Variants in PDGFA observed in about 807,000 individuals in gnomAD.
PDGFA encodes the protein platelet-derived growth factor subunit A.
PDGFA carries 9 observed loss-of-function variants against 25.6 expected under a neutral mutation model. The ratio of observed to expected loss-of-function variants is 0.35; its 90% CI spans 0.21 to 0.61. The LOEUF is 0.61. Ranked by LOEUF, PDGFA falls within the 20% of genes least tolerant of loss-of-function variation. The pLI is 0.75. For synonymous variants in PDGFA, 133 were observed against 111.8 expected, an observed-to-expected ratio of 1.19 and a Z score of -1.20; for missense variants, 242 against 272.8, an observed-to-expected ratio of 0.89 and a Z score of 0.79.
In PDGFA at chr7:517,440, G is replaced by A. The variant is rs979339631; in HGVS notation, c.114C>T (p.Ile38=). 1.4e-6 allele frequency: 2 copies of A among 1,391,736 alleles called. No individual in the cohort carries two copies. The allele number at this position is 1,391,736 out of a possible 1,614,324, so 86.2% of individuals were successfully genotyped here. A position where few individuals can be genotyped will look rare whatever the true frequency, so the allele number is the denominator to read the frequency against. ...GTCGCTGGAGGTCCCGGATGCTGTG[G>A]ATCTGACTGCGGGCCAGCCTCTCGA... The change falls in exon 2 of 6, where the codon ATC becomes ATT. Residue 38 remains isoleucine (I), a synonymous_variant. Coordinates refer to ENST00000402802, the Ensembl canonical transcript of PDGFA. The surrounding 1 kb of genome is among the most constrained non-coding windows in gnomAD (Gnocchi z 7.4).
chr7:500,712 G>C lies in PDGFA; in HGVS notation c.580+404C>G. 1 of 1,440,460 alleles carries C rather than the reference G, an allele frequency of 6.9e-7. No homozygotes were observed. The highest frequency in any genetic ancestry group is 1.5e-5 in the South Asian group (1 of 68,190). 89.2% of individuals were successfully genotyped at this position (1,440,460 alleles called of 1,614,324 possible). A position where few individuals can be genotyped will look rare whatever the true frequency, so the allele number is the denominator to read the frequency against. On this transcript the variant is annotated intron_variant, in intron 5 of 5. Coordinates refer to ENST00000402802, the Ensembl canonical transcript of PDGFA. This position sits in a 1 kb window ranked among gnomAD's most constrained non-coding sequence, Gnocchi z 5.0. ...TGCTCCTGGGTGGAGTCCGCGTGGC[G>C]GGGTGAAGGAGAGACCCCAGCCAGC... is the stretch of plus-strand genomic sequence containing the variant.
At chr7:512,652 G>A in intron 2 of PDGFA, 197 bp from the exon 3 acceptor site, 1 of 1,518,174 alleles carries the variant, frequency 6.6e-7, no homozygotes, top group African/African-American at 1.4e-5. Context: ...CAGAGATGCA[G>A]GGCATGAAAC....
intron 2 of PDGFA, among the ~76,000 whole-genome samples, chr7:516,930 G>C (rs1347511189): frequency 6.6e-6 from 1 of 152,014 alleles, no homozygotes; most frequent in South Asian, 2.1e-4. Flanking sequence ...GATTACAGAG[G>C]GGGCCGGGCC....
intron 2 of PDGFA, among the ~76,000 whole-genome samples, chr7:514,055 A>C (rs1178954994): frequency 6.6e-6 from 1 of 152,234 alleles, no homozygotes; most frequent in Non-Finnish European, 1.5e-5. Flanking sequence ...CCAAAGAGTA[A>C]CGGGTCCGTT....
chr7:506,273 G>A (rs1277012638), intron 4 of PDGFA, among the ~76,000 whole-genome samples: 2 of 151,458 alleles, frequency 1.3e-5, no homozygotes, highest in Non-Finnish European at 2.9e-5. Context: ...GCAAGACCCT[G>A]TCTTTATAAC....
chr7:510,481 G>C (rs1479267940), intron 4 of PDGFA, among the ~76,000 whole-genome samples: 2 of 148,506 alleles, frequency 1.3e-5, no homozygotes, highest in Admixed American at 1.3e-4. Context: ...GGGCGGCCCC[G>C]GGCTCGGGTG....
chr7:505,826 G>C (rs1782536877), intron 4 of PDGFA, among the ~76,000 whole-genome samples: 1 of 152,128 alleles, frequency 6.6e-6, no homozygotes, highest in Admixed American at 6.5e-5. Context: ...GCCCCACCTG[G>C]GTGTCTCTCG....
chr7:501,791 TGG>T (rs945469859), intron 4 of PDGFA, among the ~76,000 whole-genome samples: 5 of 152,120 alleles, frequency 3.3e-5, no homozygotes. Flanking sequence ...CACGTGTGCC[TGG>T]GGGGGCTGAA....
exon 6 of PDGFA, chr7:497,959 C>CAAAAAAAAAAAAAAAAAAAAA (rs1166606050): frequency 7.1e-5 from 4 of 56,676 alleles, no homozygotes; most frequent in African/African-American, 1.5e-4. Flanking sequence ...AAAAAAAAAA[C>CAAAAAAAAAAAAAAAAAAAAA]AAAAAAAAAA....
rs189612672 is a variant in PDGFA, at chr7:503,527, G to A, written c.454-2285C>T. Among the ~76,000 whole-genome samples the A allele has an allele frequency of 6.4e-3, 972 of 152,294 alleles. 5 individuals are homozygous for A. Among genetic ancestry groups the A allele is most frequent in the Non-Finnish European group, 8.5e-3 (579 of 68,012 alleles). Reference sequence around the variant, plus strand: ...CTCCCAGGCAGTCAGGAGGGTGAAGGAGGGAGGAGGGGAATGTTTCCCAAC... The same window carrying A: ...CTCCCAGGCAGTCAGGAGGGTGAAGAAGGGAGGAGGGGAATGTTTCCCAAC... On this transcript the variant is annotated intron_variant, in intron 4 of 5. Coordinates refer to ENST00000402802, the Ensembl canonical transcript of PDGFA.
In PDGFA at chr7:517,999, ACGCACGCGCG is replaced by A. The variant is rs1289821774; in HGVS notation, c.64-519_64-510del. Among the ~76,000 whole-genome samples, 2 of 151,772 alleles carry A rather than the reference ACGCACGCGCG, an allele frequency of 1.3e-5. No individual in the cohort carries two copies. The highest frequency in any genetic ancestry group is 2.9e-5 in the Non-Finnish European group (2 of 67,946). On this transcript the variant is annotated intron_variant, in intron 1 of 5. Transcript: ENST00000402802. This position sits in a 1 kb window ranked among gnomAD's most constrained non-coding sequence, Gnocchi z 7.4. ...AGAGGTCTCTCCGTCTCACAAACAC[ACGCACGCGCG>A]CGCAGACACACACACGCGCACACAC...
chr7:520,027 A>C (rs543315482), upstream of PDGFA: 18 of 394,820 alleles, frequency 4.6e-5, no homozygotes, highest in South Asian at 3.1e-4. Context: ...CAGGGAGCAC[A>C]CACGCGCTCG....
upstream of PDGFA, chr7:520,137 C>G: frequency 2.8e-6 from 1 of 355,778 alleles, no homozygotes; most frequent in Non-Finnish European, 5.7e-6. Context: ...AGCTGCAATC[C>G]TGCGGCACCG....
chr7:497,910 AAGGAAAGCTTAATAATCACTTTATGGTGT>A (rs1562481389), exon 6 of PDGFA: 1 of 134,448 alleles, frequency 7.4e-6, no homozygotes, highest in Non-Finnish European at 1.6e-5. Flanking sequence ...AAAGAGTAAA[AAGGAAAGCTTAATAATCACTTTATGGTGT>A]AAAAAAAAAA....
At chr7:499,705 G>C (rs1421576830) in intron 5 of PDGFA, among the ~76,000 whole-genome samples, 1 of 49,242 alleles carries the variant, frequency 2.0e-5, no homozygotes, top group Admixed American at 2.0e-4. Flanking sequence ...CTCTCTAAGG[G>C]TGTTATTTTG....
At chr7:512,562 A>G (rs543260797) in intron 2 of PDGFA, 107 bp from the exon 3 acceptor site, 10 of 1,571,842 alleles carry the variant, frequency 6.4e-6, no homozygotes, top group Admixed American at 3.7e-5. Context: ...ACTGGGGAAC[A>G]GGCACCTGGC....
At chr7:501,891 T>C (rs1782357280) in intron 4 of PDGFA, among the ~76,000 whole-genome samples, 1 of 152,162 alleles carries the variant, frequency 6.6e-6, no homozygotes, top group African/African-American at 2.4e-5. Context: ...GATGTGCAGC[T>C]GGGAAATGTT....
intron 4 of PDGFA, among the ~76,000 whole-genome samples, chr7:502,929 G>A (rs147162143): frequency 0.025 from 3,838 of 152,116 alleles, 141 homozygotes; most frequent in African/African-American, 0.08. Context: ...TCATGCATGT[G>A]TAATGTACAC....
At chr7:497,952 AAAAAAACAAAAAAAAAAAAAAC>A (rs1782143115) in exon 6 of PDGFA, 4 of 114,676 alleles carry the variant, frequency 3.5e-5, no homozygotes, top group African/African-American at 6.5e-5. Context: ...AAAAAAAAAA[AAAAAAACAAAAAAAAAAAAAAC>A]AAAACAAAAA....
Sources: gnomAD v4.1 joint callset for allele counts (sites outside exome capture counted in the v4.1 genomes callset) on GRCh38, gnomAD v4.1.1 for gene constraint, Gnocchi (gnomAD v3.1) non-coding constraint, MANE v1.5 for transcripts, NCBI Gene and HGNC (gene_info 2026-07-23, HGNC 2026-07-21) for gene names.